ZNF608: variants seen among roughly 807,000 people sequenced by gnomAD.
The protein encoded by ZNF608 is renal carcinoma antigen NY-REN-36.
ZNF608 carries 12 observed loss-of-function variants against 109.0 expected under a neutral mutation model. The ratio of observed to expected loss-of-function variants is 0.11; its 90% CI spans 0.07 to 0.18. The LOEUF (loss-of-function observed/expected upper bound fraction) is 0.18, where lower values mean the gene tolerates loss of function less well. Ranked by LOEUF, ZNF608 falls within the 10% of genes least tolerant of loss-of-function variation. ZNF608 has a pLI of 1.00. For synonymous variants in ZNF608, 732 were observed against 717.4 expected (o/e 1.02, Z -0.33); for missense variants, 1,707 against 1,879.3 (o/e 0.91, Z 1.70).
intron 2 of ZNF608, among the ~76,000 whole-genome samples, chr5:124,702,829 G>A (rs1166431856): frequency 6.6e-6 from 1 of 152,154 alleles, no homozygotes; most frequent in Non-Finnish European, 1.5e-5. Context: ...GGAAAGAAAA[G>A]CATTTAACAG....
At chr5:124,675,044 G>C (rs1249467613) in intron 3 of ZNF608, among the ~76,000 whole-genome samples, 1 of 152,128 alleles carries the variant, frequency 6.6e-6, no homozygotes, top group Non-Finnish European at 1.5e-5. Context: ...ACATGACTAT[G>C]TTTGCCAAAT....
intron 3 of ZNF608, among the ~76,000 whole-genome samples, chr5:124,656,700 C>A (rs1221476569): frequency 2.6e-5 from 4 of 151,768 alleles, no homozygotes; most frequent in African/African-American, 9.7e-5. Context: ...TTATCTCTTT[C>A]AAAAGTACAT....
chr5:124,715,073 G>C (rs1753638601), intron 2 of ZNF608, among the ~76,000 whole-genome samples: 1 of 152,000 alleles, frequency 6.6e-6, no homozygotes, highest in South Asian at 2.1e-4. Flanking sequence ...TATTTCATAG[G>C]GGTACTTCAA....
Position 124,637,620 on chromosome 5 carries a change from T to C in ZNF608, c.*280A>G, listed in dbSNP as rs1750034978. On this transcript the variant is annotated 3_prime_UTR_variant, in exon 10 of 10. Transcript: ENST00000513986. The stretch of plus-strand genomic sequence containing the variant: ...TTGCGACGTGGCAGCAGACCCTGTG[T>C]GTGCGAGCCTGGTTACTGATACAAA... 1 of 167,882 alleles carries C rather than the reference T, an allele frequency of 6.0e-6. No individual in the cohort carries two copies. Among genetic ancestry groups the C allele is most frequent in the African/African-American group, 2.4e-5 (1 of 41,644 alleles). The allele number at this position is 167,882 out of a possible 1,614,324, so 10.4% of individuals were successfully genotyped here.
intron 3 of ZNF608, among the ~76,000 whole-genome samples, chr5:124,675,708 G>A (rs1751919652): frequency 6.6e-6 from 1 of 152,078 alleles, no homozygotes; most frequent in African/African-American, 2.4e-5. Flanking sequence ...TAATCTATCT[G>A]TTATTTAAGG....
intron 2 of ZNF608, among the ~76,000 whole-genome samples, chr5:124,704,042 ACACAATT>A (rs777035357): frequency 6.6e-6 from 1 of 152,204 alleles, no homozygotes; most frequent in Non-Finnish European, 1.5e-5. Flanking sequence ...GTTACCATTA[ACACAATT>A]CAAATGTAAC....
At chr5:124,651,270 C>A (rs1472352959) in intron 3 of ZNF608, among the ~76,000 whole-genome samples, 1 of 151,452 alleles carries the variant, frequency 6.6e-6, no homozygotes, top group Non-Finnish European at 1.5e-5. Context: ...CTGCACAAGA[C>A]AGAACAATTG....
At position 124,644,406 on chromosome 5, in the gene ZNF608, T is replaced by A. The variant is rs1325259616; in HGVS notation, c.3961A>T (p.Asn1321Tyr). 6.2e-7 allele frequency: 1 copy of A among 1,614,148 alleles called. No individual in the cohort carries two copies. The highest frequency in any genetic ancestry group is 1.1e-5 in the South Asian group (1 of 91,082). ...CTTGTTCCCCGAGAGTCCTTCCAGT[T>A]CACAGGAGTCTTTCGATCATCATTT... ...LKNDDRKTPV[N>Y]WKDSRGTRVA... is the part of the protein sequence containing the mutation. Residue 1321 changes from asparagine to tyrosine, a missense_variant, in exon 6 of 10, where the codon AAC becomes TAC. Asn to Tyr is a moderately radical substitution (Grantham distance 143). This residue lies in a region of ZNF608 where 1,073 missense variants were observed against 1,133.5 expected (regional missense o/e 0.95). Transcript: ENST00000513986.
intron 3 of ZNF608, among the ~76,000 whole-genome samples, chr5:124,681,075 C>T (rs1222131824): frequency 6.6e-6 from 1 of 152,164 alleles, no homozygotes; most frequent in Non-Finnish European, 1.5e-5. Context: ...TTAATCCTTT[C>T]TAAAGAAATA....
chr5:124,744,616 T>A lies in ZNF608; in HGVS notation c.374A>T (p.Tyr125Phe), dbSNP rs774309859. 13 of 1,614,118 alleles carry A rather than the reference T, an allele frequency of 8.1e-6. No individual in the cohort carries two copies. The East Asian group carries it at 2.7e-4, about 33-fold the overall frequency. ...AGTGCTGCTGATCTCGGGAATCCCA[T>A]ACAAGGCAGCAGAAGGCAGAGATTT... is the stretch of plus-strand genomic sequence containing the variant. ...ANKSLPSAAL[Y>F]GIPEISSTGK... The change falls in exon 2 of 10, where the codon TAT becomes TTT. Residue 125 changes from tyrosine to phenylalanine, a missense_variant. By Grantham distance (22) the Tyr-to-Phe change is conservative. Around this residue, in one of 7 missense-constraint regions of ZNF608, gnomAD observed 407 missense variants for 398.7 expected, o/e 1.02. Transcript: ENST00000513986. This position sits in a 1 kb window ranked among gnomAD's most constrained non-coding sequence, Gnocchi z 4.5.
chr5:124,649,500 T>C (rs1034912565), intron 4 of ZNF608, 110 bp downstream of exon 4: 1 of 863,092 alleles, frequency 1.2e-6, no homozygotes, highest in East Asian at 2.8e-5. Context: ...TCATTTCTCC[T>C]TTGCCTGGTT....
Position 124,686,764 on chromosome 5 carries a change from G to A in ZNF608, c.1162+14250C>T, listed in dbSNP as rs138837012. ...ACTTGAGTTACTTCAAAAGTTGTCTGTCAACATGGATATGAGGAAGACATC... is the reference window on the plus strand; with the variant it reads ...ACTTGAGTTACTTCAAAAGTTGTCTATCAACATGGATATGAGGAAGACATC... On this transcript the variant is annotated intron_variant, in intron 3 of 9. Coordinates refer to ENST00000513986, the MANE Select transcript of ZNF608 (RefSeq NM_020747.3). Among the ~76,000 whole-genome samples, 71 of 152,298 alleles carry A rather than the reference G, an allele frequency of 4.7e-4. No individual in the cohort carries two copies. In the East Asian group the frequency reaches 0.013, roughly 28 times the overall value.
intron 3 of ZNF608, among the ~76,000 whole-genome samples, chr5:124,671,442 T>G (rs957457377): frequency 6.6e-6 from 1 of 152,150 alleles, no homozygotes; most frequent in Non-Finnish European, 1.5e-5. Context: ...ACATTAAGTT[T>G]CTAATAACTA....
chr5:124,671,852 G>T (rs1751741445), intron 3 of ZNF608, among the ~76,000 whole-genome samples: 1 of 151,834 alleles, frequency 6.6e-6, no homozygotes, highest in Non-Finnish European at 1.5e-5. Flanking sequence ...TGCCCAGGCT[G>T]GTATCGAACT....
chr5:124,669,126 C>T (rs1474999646), intron 3 of ZNF608, among the ~76,000 whole-genome samples: 1 of 152,154 alleles, frequency 6.6e-6, no homozygotes, highest in Admixed American at 6.5e-5. Context: ...GACTTTACTG[C>T]CTCTGGTAAA....
chr5:124,640,665 A>G (rs1580515241), intron 8 of ZNF608, among the ~76,000 whole-genome samples: 2 of 152,236 alleles, frequency 1.3e-5, no homozygotes, highest in East Asian at 3.8e-4. Context: ...CAAATAATAC[A>G]TGCTCAACTA....
Position 124,646,742 on chromosome 5 carries a change from T to C in ZNF608, c.3642A>G (p.Glu1214=), listed in dbSNP as rs1316314173. Residue 1214 remains glutamate (E), a synonymous_variant, in exon 5 of 10, where the codon GAA becomes GAG. Transcript: ENST00000513986. ...ENHQLIKEAV[E]MKSVMDSMKQ... Reference sequence around the variant, plus strand: ...TCATAGAGTCCATGACAGACTTCATTTCTACAGCCTCCTTAATAAGCTGGT... The same window carrying C: ...TCATAGAGTCCATGACAGACTTCATCTCTACAGCCTCCTTAATAAGCTGGT... 2.5e-6 allele frequency: 4 copies of C among 1,614,210 alleles called. No homozygotes were observed. The highest frequency in any genetic ancestry group is 1.1e-5 in the South Asian group (1 of 91,086).
intron 2 of ZNF608, among the ~76,000 whole-genome samples, chr5:124,720,374 T>A (rs1335835879): frequency 6.6e-6 from 1 of 152,236 alleles, no homozygotes; most frequent in Non-Finnish European, 1.5e-5. Flanking sequence ...ACCTTTCTGA[T>A]TATGAAGTTT....
chr5:124,679,364 C>A (rs1278470608), intron 3 of ZNF608, among the ~76,000 whole-genome samples: 1 of 151,486 alleles, frequency 6.6e-6, no homozygotes, highest in African/African-American at 2.4e-5. Context: ...CTTCCCTTCC[C>A]TTCCTTCCTT....
Sources: allele counts gnomAD v4.1 joint callset (sites outside exome capture counted in the v4.1 genomes callset), GRCh38; gene constraint gnomAD v4.1.1; regional missense constraint gnomAD v4.1.1; non-coding constraint Gnocchi (gnomAD v3.1); transcripts MANE v1.5; gene names NCBI Gene and HGNC (gene_info 2026-07-23, HGNC 2026-07-21).